Variants in TMEM175 observed in about 807,000 individuals in gnomAD.
TMEM175 encodes transmembrane protein 175.
TMEM175 carries 36 observed loss-of-function variants against 36.5 expected under a neutral mutation model. That is an observed-to-expected ratio of 0.99 (90% CI 0.76 to 1.30). The LOEUF (loss-of-function observed/expected upper bound fraction) is 1.30, where lower values mean the gene tolerates loss of function less well. TMEM175 is among the 50% of genes most tolerant of loss of function. TMEM175 has a pLI of 0.00. For synonymous variants in TMEM175, 339 were observed against 313.4 expected, an observed-to-expected ratio of 1.08 and a Z score of -0.86; for missense variants, 705 against 692.8, an observed-to-expected ratio of 1.02 and a Z score of -0.20.
intron 3 of TMEM175, 64 bp downstream of exon 3, chr4:948,218 G>C: frequency 6.2e-7 from 1 of 1,612,828 alleles, no homozygotes; most frequent in Non-Finnish European, 8.5e-7. Context: ...CCCGAGGCTC[G>C]ACCTGGCACA....
intron 10 of TMEM175, among the ~76,000 whole-genome samples, chr4:957,593 C>T (rs974239187): frequency 6.6e-6 from 1 of 152,258 alleles, no homozygotes; most frequent in Admixed American, 6.5e-5. Context: ...CCCATTAGCA[C>T]AGAGCAGAAG....
At chr4:951,077 G>C (rs1347230001) in intron 4 of TMEM175, 130 bp from the exon 5 acceptor site, 7 of 914,992 alleles carry the variant, frequency 7.7e-6, no homozygotes, top group Non-Finnish European at 1.0e-5. Context: ...GCACTAGGTA[G>C]TAGTTTATAT....
intron 6 of TMEM175, 52 bp from the exon 7 acceptor site, chr4:952,315 G>A: frequency 6.5e-7 from 1 of 1,531,082 alleles, no homozygotes; most frequent in Non-Finnish European, 9.0e-7. Context: ...CAGGCTCTGG[G>A]GCCTGGTAAC....
At chr4:940,239 T>C (rs1727272551) in intron 1 of TMEM175, among the ~76,000 whole-genome samples, 1 of 152,008 alleles carries the variant, frequency 6.6e-6, no homozygotes, top group Admixed American at 6.6e-5. Context: ...AACTGAGGTC[T>C]GGAGTTCGAG....
chr4:957,958 C>T lies in TMEM175; in HGVS notation c.977C>T (p.Ala326Val), dbSNP rs148627215. 5.6e-6 allele frequency: 9 copies of T among 1,612,870 alleles called. No homozygotes were observed. Among genetic ancestry groups the T allele is most frequent in the South Asian group, 3.3e-5 (3 of 91,090 alleles). Residue 326 changes from alanine (A) to valine (V), a missense_variant, in exon 11 of 11, where the codon GCC becomes GTC. Coordinates refer to ENST00000264771, the MANE Select transcript of TMEM175 (RefSeq NM_032326.4). ...SFATVGLLWF[A>V]HHSLFLHVRK... ...GCCACAGTGGGACTGCTGTGGTTCG[C>T]CCACCACTCACTCTTCCTGCATGTG...
intron 9 of TMEM175, 130 bp from the exon 10 acceptor site, chr4:955,625 G>C: frequency 6.8e-7 from 1 of 1,466,398 alleles, no homozygotes; most frequent in Non-Finnish European, 9.2e-7. Context: ...CCCCTCGGGC[G>C]TCCCTGTCCT....
Position 952,397 on chromosome 4 carries a change from C to CCT in TMEM175, c.412_413dup (p.Gly139TrpfsTer10), listed in dbSNP as rs1729004509. 5.6e-6 allele frequency: 9 copies of CCT among 1,611,812 alleles called. No homozygotes were observed. Among genetic ancestry groups the CCT allele is most frequent in the Non-Finnish European group, 7.6e-6 (9 of 1,179,964 alleles). ...GTTAATGGTGACCTTCCCTGATGTG[C>CCT]CTCTGGGCATCTTCTTGTTCTGTGT... On this transcript the variant is annotated frameshift_variant, in exon 7 of 11. Transcript: ENST00000264771. LOFTEE classifies it high-confidence loss of function.
intron 6 of TMEM175, 85 bp downstream of exon 6, chr4:951,802 T>TGGCCCAG: frequency 6.9e-7 from 1 of 1,441,780 alleles, no homozygotes; most frequent in East Asian, 2.3e-5. Context: ...ACCAGCTGGA[T>TGGCCCAG]GGCCCAGGGC....
chr4:944,697 A>G (rs1056263645), intron 1 of TMEM175, among the ~76,000 whole-genome samples: 2 of 152,150 alleles, frequency 1.3e-5, no homozygotes, highest in African/African-American at 4.8e-5. Flanking sequence ...TTGTCTCAAC[A>G]TTTTGTTTTA....
In TMEM175 at chr4:957,850, A is replaced by G; in HGVS notation, c.869A>G (p.Asp290Gly). ...GAAGACAACGTCCCGGACCCCAAGG[A>G]TGTGAAGGAGAGGTTCAGCGGCAGC... ...ICEDNVPDPK[D>G]VKERFSGSLV... is the part of the protein sequence containing the mutation. The change falls in exon 11 of 11, where the codon GAT becomes GGT. Residue 290 changes from aspartate (D) to glycine (G), a missense_variant. Asp to Gly is a moderately conservative substitution (Grantham distance 94, BLOSUM62 -1). Coordinates refer to ENST00000264771, the MANE Select transcript of TMEM175 (RefSeq NM_032326.4). 3 of 1,611,930 alleles carry G rather than the reference A, an allele frequency of 1.9e-6. No homozygotes were observed. Among genetic ancestry groups the G allele is most frequent in the Non-Finnish European group, 2.5e-6 (3 of 1,179,462 alleles).
chr4:948,118 C>T lies in TMEM175; in HGVS notation c.156C>T (p.Ile52=), dbSNP rs759121824. 6.2e-7 allele frequency: 1 copy of T among 1,614,126 alleles called. No homozygotes were observed. The highest frequency in any genetic ancestry group is 1.7e-5 in the Admixed American group (1 of 60,022). Residue 52 remains isoleucine (I), a splice_region_variant and synonymous_variant, in exon 3 of 11, where the codon ATC becomes ATT. Transcript: ENST00000264771. ...ALLSIIATVM[I]LPVTHTEISP... The stretch of plus-strand genomic sequence containing the variant: ...CTTCTGTCTCTTTGCCCCCTCAGAT[C>T]CTGCCTGTGACCCACACGGAGATCT...
chr4:941,837 A>T (rs1193159169), intron 1 of TMEM175, among the ~76,000 whole-genome samples: 2 of 152,098 alleles, frequency 1.3e-5, no homozygotes, highest in Non-Finnish European at 2.9e-5. Context: ...TGGGAGGCCG[A>T]GGCAGGAGAA....
At chr4:942,791 C>T (rs1727684914) in intron 1 of TMEM175, among the ~76,000 whole-genome samples, 3 of 152,028 alleles carry the variant, frequency 2.0e-5, no homozygotes, top group African/African-American at 7.2e-5. Context: ...AGGCGCACAC[C>T]ACTACGTCCA....
At chr4:957,503 A>C (rs1729845722) in intron 10 of TMEM175, among the ~76,000 whole-genome samples, 1 of 152,246 alleles carries the variant, frequency 6.6e-6, no homozygotes, top group African/African-American at 2.4e-5. Context: ...GGTCCTGCCC[A>C]GCAAACACAG....
intron 1 of TMEM175, among the ~76,000 whole-genome samples, chr4:937,071 A>C (rs1351251684): frequency 1.3e-5 from 2 of 151,658 alleles, no homozygotes; most frequent in East Asian, 3.9e-4. Context: ...TTTTGAGGGG[A>C]TGGATACCCC....
intron 8 of TMEM175, 64 bp downstream of exon 8, chr4:953,418 C>T (rs535503613): frequency 1.3e-6 from 2 of 1,522,260 alleles, no homozygotes; most frequent in African/African-American, 2.8e-5. Flanking sequence ...AGCAATGTCC[C>T]CGCTGAGCAA....
chr4:950,503 G>A lies in TMEM175; in HGVS notation c.275G>A (p.Trp92Ter). 1 of 1,613,972 alleles carries A rather than the reference G, an allele frequency of 6.2e-7. No homozygotes were observed. Among genetic ancestry groups the A allele is most frequent in the Non-Finnish European group, 8.5e-7 (1 of 1,179,934 alleles). ...LMTFLIVTVA[W>*]AAHTRLFQVV... ...ACCTTTCTCATCGTGACAGTGGCCT[G>A]GGCAGCACACACAAGGTGGGGGCCC... The change falls in exon 4 of 11, where the codon TGG becomes TAG. Residue 92 changes from tryptophan to a stop codon, truncating the protein, a stop_gained. Transcript: ENST00000264771. LOFTEE classifies it high-confidence loss of function.
At chr4:950,360 G>T in intron 3 of TMEM175, 61 bp from the exon 4 acceptor site, 1 of 1,369,190 alleles carries the variant, frequency 7.3e-7, no homozygotes, top group South Asian at 1.2e-5. Flanking sequence ...GTGCTGTCTC[G>T]ACTGCCATTC....
chr4:948,645 T>G, intron 3 of TMEM175: 1 of 1,239,240 alleles, frequency 8.1e-7, no homozygotes, highest in South Asian at 1.4e-5. Context: ...CAAGCAGAGT[T>G]TCCACCTTGA....
Sources: allele counts gnomAD v4.1 joint callset (sites outside exome capture counted in the v4.1 genomes callset), GRCh38; gene constraint gnomAD v4.1.1; transcripts MANE v1.5; gene names NCBI Gene and HGNC (gene_info 2026-07-23, HGNC 2026-07-21).